The following CUL1 variants were observed in gnomAD, a reference collection of about 807,000 sequenced individuals.
The protein encoded by CUL1 is cullin 1.
CUL1 carries 24 observed loss-of-function variants against 118.0 expected under a neutral mutation model. That is an observed-to-expected ratio of 0.20 (90% CI 0.15 to 0.29). The LOEUF (loss-of-function observed/expected upper bound fraction) is 0.29, where lower values mean the gene tolerates loss of function less well. Ranked by LOEUF, CUL1 falls within the 10% of genes least tolerant of loss-of-function variation. The pLI is 1.00. For missense variants in CUL1, 361 were observed against 933.8 expected (o/e 0.39, Z 7.99); for synonymous variants, 332 against 340.4 (o/e 0.98, Z 0.27).
At position 148,790,303 on chromosome 7, in the gene CUL1, T is replaced by C. The variant is rs2007404; in HGVS notation, c.1675-7T>C. The C allele has an allele frequency of 0.62, 999,307 of 1,612,792 alleles. 310,815 individuals carry two copies. Among genetic ancestry groups the C allele is most frequent in the African/African-American group, 0.7 (52,619 of 74,902 alleles). On this transcript the variant is annotated splice_polypyrimidine_tract_variant and splice_region_variant and intron_variant, in intron 15 of 21. Coordinates refer to ENST00000325222, the MANE Select transcript of CUL1 (RefSeq NM_003592.3). ...TGTATTCCATATAATGCTGTCCTTT[T>C]ATCTAGTTGGAACGTAGTTATCAGC... is the stretch of plus-strand genomic sequence containing the variant.
intron 3 of CUL1, among the ~76,000 whole-genome samples, chr7:148,754,634 T>C (rs545833361): frequency 6.6e-6 from 1 of 152,352 alleles, no homozygotes; most frequent in South Asian, 2.1e-4. Flanking sequence ...GTGAACCCAA[T>C]GTGGTGTTCC....
intron 16 of CUL1, 50 bp from the exon 17 acceptor site, chr7:148,792,676 C>A (rs764477224): frequency 8.2e-6 from 11 of 1,347,198 alleles, no homozygotes; most frequent in Non-Finnish European, 1.1e-5. Flanking sequence ...GGAGGTGTTT[C>A]CATGCATGTA....
chr7:148,714,285 C>T (rs554197269), intron 1 of CUL1, among the ~76,000 whole-genome samples: 1 of 152,374 alleles, frequency 6.6e-6, no homozygotes, highest in African/African-American at 2.4e-5. Flanking sequence ...CATCACCTCA[C>T]ATACTTAACA....
chr7:148,786,089 A>G (rs191557065), intron 11 of CUL1, among the ~76,000 whole-genome samples: 66 of 152,336 alleles, frequency 4.3e-4, no homozygotes, highest in African/African-American at 1.4e-3. Context: ...TCTCTTGTAT[A>G]TACAACTACA....
rs34941241 is a variant in CUL1 at position 148,737,558 on chromosome 7, G to GTA, written c.140+7308_140+7309dup. On this transcript the variant is annotated intron_variant, in intron 2 of 21. Transcript: ENST00000325222. ...GGAAGTACGATATATGTGTGTGTGT[G>GTA]TATATATATATATTTTTATATTTAT... Among the ~76,000 whole-genome samples the GTA allele has an allele frequency of 2.9e-3, 375 of 128,096 alleles. 2 individuals are homozygous for GTA. Among genetic ancestry groups the GTA allele is most frequent in the African/African-American group, 7.7e-3 (285 of 37,172 alleles). The allele number at this position is 128,096 out of a possible 152,430, so 84.0% of individuals were successfully genotyped here.
intron 1 of CUL1, among the ~76,000 whole-genome samples, chr7:148,714,662 C>A (rs1355665639): frequency 6.6e-6 from 1 of 152,124 alleles, no homozygotes; most frequent in Non-Finnish European, 1.5e-5. Flanking sequence ...TTTCTCATTG[C>A]CATCTCGTGG....
intron 2 of CUL1, among the ~76,000 whole-genome samples, chr7:148,735,029 GTCT>G (rs1798893090): frequency 6.6e-6 from 1 of 151,900 alleles, no homozygotes; most frequent in Non-Finnish European, 1.5e-5. Flanking sequence ...GTTTTTTCCA[GTCT>G]TCTTTTCCCC....
chr7:148,780,462 C>T (rs1035906119), intron 9 of CUL1, among the ~76,000 whole-genome samples: 5 of 152,162 alleles, frequency 3.3e-5, no homozygotes, highest in African/African-American at 1.2e-4. Flanking sequence ...ATTCATGAGT[C>T]GGAAAGCAGG....
chr7:148,794,270 GT>G (rs1737335108), intron 17 of CUL1, among the ~76,000 whole-genome samples: 1 of 151,336 alleles, frequency 6.6e-6, no homozygotes, highest in Admixed American at 6.6e-5. Flanking sequence ...TCTTTATATT[GT>G]TTGTGGTTTT....
At chr7:148,725,869 A>C (rs1170939364) in intron 1 of CUL1, among the ~76,000 whole-genome samples, 1 of 152,236 alleles carries the variant, frequency 6.6e-6, no homozygotes, top group Non-Finnish European at 1.5e-5. Flanking sequence ...CGCCCACTTA[A>C]GTATGAATTT....
intron 9 of CUL1, among the ~76,000 whole-genome samples, chr7:148,774,075 T>C (rs1051443018): frequency 6.6e-6 from 1 of 152,154 alleles, no homozygotes; most frequent in Non-Finnish European, 1.5e-5. Flanking sequence ...AATCGGAGAA[T>C]AGCAAAATAA....
intron 1 of CUL1, among the ~76,000 whole-genome samples, chr7:148,725,595 A>G (rs1243155348): frequency 6.6e-6 from 1 of 151,952 alleles, no homozygotes; most frequent in Non-Finnish European, 1.5e-5. Context: ...GCCCATCTCT[A>G]AGAAGCATCT....
At chr7:148,756,718 A>G (rs564676008) in intron 3 of CUL1, among the ~76,000 whole-genome samples, 1 of 152,318 alleles carries the variant, frequency 6.6e-6, no homozygotes, top group South Asian at 2.1e-4. Flanking sequence ...CGCATATCAA[A>G]TGTTCAGGGT....
At chr7:148,755,247 T>C (rs1799618256) in intron 3 of CUL1, among the ~76,000 whole-genome samples, 1 of 152,206 alleles carries the variant, frequency 6.6e-6, no homozygotes, top group Non-Finnish European at 1.5e-5. Flanking sequence ...GCAGTGTGAC[T>C]CCTTGTATCT....
At position 148,751,534 on chromosome 7, in the gene CUL1, CAAAAAAAA is replaced by C. The variant is rs1166826975; in HGVS notation, c.141-2429_141-2422del. On this transcript the variant is annotated intron_variant, in intron 2 of 21. Transcript: ENST00000325222. ...TGGGAGACAGAGTGAGACTCTGTCT[CAAAAAAAA>C]AAAAAAAAAAAACCTCTCTTGTCAC... 4.6e-5 allele frequency among the ~76,000 whole-genome samples: 3 copies of C among 65,690 alleles called. No homozygotes were observed. In the East Asian group the frequency reaches 1.4e-3, roughly 30 times the overall value. 43.1% of individuals were successfully genotyped at this position (65,690 alleles called of 152,430 possible).
intron 1 of CUL1, among the ~76,000 whole-genome samples, chr7:148,714,553 C>T (rs1798151295): frequency 6.6e-6 from 1 of 152,120 alleles, no homozygotes; most frequent in Non-Finnish European, 1.5e-5. Context: ...TTAGAATTGG[C>T]CTTATAGAAA....
chr7:148,759,580 G>A lies in CUL1; in HGVS notation c.567G>A (p.Lys189=), dbSNP rs767966390. The A allele has an allele frequency of 1.2e-6, 2 of 1,611,220 alleles. No individual in the cohort carries two copies. The highest frequency in any genetic ancestry group is 1.7e-6 in the Non-Finnish European group (2 of 1,178,172). ...VTNAVLKLIE[K]ERNGETINTR... The stretch of plus-strand genomic sequence containing the variant: ...ATGCTGTTTTAAAGCTGATTGAAAA[G>A]GAAAGGAATGGTGAAACCATCAATA... The change falls in exon 6 of 22, where the codon AAG becomes AAA. Residue 189 remains lysine (K), a synonymous_variant. Coordinates refer to ENST00000325222, the MANE Select transcript of CUL1 (RefSeq NM_003592.3).
chr7:148,783,671 G>C, intron 9 of CUL1, 112 bp from the exon 10 acceptor site: 1 of 1,563,038 alleles, frequency 6.4e-7, no homozygotes, highest in Non-Finnish European at 8.7e-7. Flanking sequence ...ACTTTGAAAA[G>C]GTATCTATAG....
intron 2 of CUL1, among the ~76,000 whole-genome samples, chr7:148,740,821 A>G (rs1799117356): frequency 6.6e-6 from 1 of 152,216 alleles, no homozygotes; most frequent in Non-Finnish European, 1.5e-5. Flanking sequence ...CACAGAGGAA[A>G]GGCCATGTGA....
Sources: allele counts gnomAD v4.1 joint callset (sites outside exome capture counted in the v4.1 genomes callset), GRCh38; gene constraint gnomAD v4.1.1; transcripts MANE v1.5; gene names NCBI Gene and HGNC (gene_info 2026-07-23, HGNC 2026-07-21).